VMP1: variants seen among roughly 807,000 people sequenced by gnomAD.
VMP1 encodes ectopic P-granules autophagy protein 3 homolog.
VMP1 carries 11 observed loss-of-function variants against 56.0 expected under a neutral mutation model. That is an observed-to-expected ratio of 0.20 (90% CI 0.12 to 0.32). The LOEUF (loss-of-function observed/expected upper bound fraction) is 0.32. VMP1 is among the 10% of genes least tolerant of loss of function. The pLI, the probability that VMP1 is intolerant of heterozygous loss-of-function variation, is 1.00. For synonymous variants in VMP1, 149 were observed against 165.0 expected, an observed-to-expected ratio of 0.90 and a Z score of 0.74; for missense variants, 296 against 490.3, an observed-to-expected ratio of 0.60 and a Z score of 3.74.
rs1244438929 is a variant in VMP1, at chr17:59,840,728, C to T, written c.*817C>T. On this transcript the variant is annotated 3_prime_UTR_variant, in exon 12 of 12. Coordinates refer to ENST00000262291, the MANE Select transcript of VMP1 (RefSeq NM_030938.5). Reference sequence around the variant, plus strand: ...TTGCATGAGAGAGCCACTACCAAGGCATGTTTTGTTATGCTGAAACTGGGC... The same window carrying T: ...TTGCATGAGAGAGCCACTACCAAGGTATGTTTTGTTATGCTGAAACTGGGC... The T allele has an allele frequency of 2.0e-5, 3 of 152,254 alleles. No homozygotes were observed. The highest frequency in any genetic ancestry group is 2.9e-5 in the Non-Finnish European group (2 of 68,050). 9.4% of individuals were successfully genotyped at this position (152,254 alleles called of 1,614,324 possible).
chr17:59,763,156 T>C (rs1407052045), intron 5 of VMP1, among the ~76,000 whole-genome samples: 1 of 152,034 alleles, frequency 6.6e-6, no homozygotes, highest in East Asian at 1.9e-4. Context: ...ATTTCTTCTT[T>C]TTTTTTTAAT....
At chr17:59,719,614 T>G (rs1448496192) in intron 1 of VMP1, among the ~76,000 whole-genome samples, 1 of 152,220 alleles carries the variant, frequency 6.6e-6, no homozygotes, top group Non-Finnish European at 1.5e-5. Context: ...CCAATAACTC[T>G]TATGTTACTC....
intron 1 of VMP1, among the ~76,000 whole-genome samples, chr17:59,730,797 T>C (rs2034793988): frequency 6.6e-6 from 1 of 152,144 alleles, no homozygotes; most frequent in Non-Finnish European, 1.5e-5. Flanking sequence ...AAATGAAGCA[T>C]GTTATAAATA....
chr17:59,798,200 C>A (rs778295894), intron 7 of VMP1, among the ~76,000 whole-genome samples: 74 of 152,330 alleles, frequency 4.9e-4, no homozygotes, highest in Non-Finnish European at 4.7e-4. Context: ...AACGGAAATA[C>A]ATCTATACAT....
At chr17:59,792,214 T>C (rs1014477089) in intron 7 of VMP1, among the ~76,000 whole-genome samples, 1 of 152,112 alleles carries the variant, frequency 6.6e-6, no homozygotes, top group African/African-American at 2.4e-5. Context: ...GAGGTCATGA[T>C]TGTAATGAAC....
chr17:59,800,279 G>T (rs924620290), intron 7 of VMP1, among the ~76,000 whole-genome samples: 3 of 152,070 alleles, frequency 2.0e-5, no homozygotes, highest in Non-Finnish European at 2.9e-5. Flanking sequence ...TACGTTATTA[G>T]GGTCTTAATA....
In VMP1 at chr17:59,791,139, T is replaced by G. The variant is rs192666860; in HGVS notation, c.714+17254T>G. Among the ~76,000 whole-genome samples the G allele has an allele frequency of 2.6e-3, 392 of 151,952 alleles. 1 individual carries two copies. Among genetic ancestry groups the G allele is most frequent in the African/African-American group, 8.4e-3 (349 of 41,518 alleles). On this transcript the variant is annotated intron_variant, in intron 7 of 11. Coordinates refer to ENST00000262291, the MANE Select transcript of VMP1 (RefSeq NM_030938.5). ...ATCATGGGCCTGTTTAGCAATGCAT[T>G]TTGCTGACATTTTTAATAAACAATT...
At chr17:59,773,707 C>T (rs376974596) in intron 6 of VMP1, 47 bp from the exon 7 acceptor site, 1 of 1,531,304 alleles carries the variant, frequency 6.5e-7, no homozygotes, top group African/African-American at 1.4e-5. Flanking sequence ...TTAAGTGTCA[C>T]TGTTGATAAC....
chr17:59,799,910 C>T (rs548032981), intron 7 of VMP1, among the ~76,000 whole-genome samples: 1 of 143,988 alleles, frequency 6.9e-6, no homozygotes, highest in East Asian at 2.0e-4. Flanking sequence ...TTACAGTGAG[C>T]TGAGATCCTG....
In VMP1 at chr17:59,840,093, G is replaced by A; in HGVS notation, c.*182G>A. ...ACTTTTTCCTTCTGTGCTAAGGTAA[G>A]GTATCCACCCTCGATGCAATCCACC... On this transcript the variant is annotated 3_prime_UTR_variant, in exon 12 of 12. Transcript: ENST00000262291. The A allele has an allele frequency of 2.9e-6, 2 of 681,046 alleles. No homozygotes were observed. The highest frequency in any genetic ancestry group is 4.0e-4 in the Middle Eastern group (1 of 2,524). The allele number at this position is 681,046 out of a possible 1,614,324, so 42.2% of individuals were successfully genotyped here. A position where few individuals can be genotyped will look rare whatever the true frequency, so the allele number is the denominator to read the frequency against.
intron 1 of VMP1, among the ~76,000 whole-genome samples, chr17:59,710,702 G>C (rs1357664281): frequency 6.6e-6 from 1 of 152,154 alleles, no homozygotes; most frequent in Non-Finnish European, 1.5e-5. Flanking sequence ...GTCATGTGTT[G>C]AGTTATCTTT....
intron 8 of VMP1, among the ~76,000 whole-genome samples, chr17:59,809,851 A>G (rs75681053): frequency 6.6e-6 from 1 of 152,036 alleles, no homozygotes; most frequent in East Asian, 1.9e-4. Flanking sequence ...ATAGGTTCAC[A>G]TCTTGTTTAT....
intron 5 of VMP1, among the ~76,000 whole-genome samples, chr17:59,753,284 AAAG>A (rs549192243): frequency 5.3e-4 from 81 of 152,242 alleles, no homozygotes; most frequent in African/African-American, 1.9e-3. Flanking sequence ...GAAAAAAAAA[AAAG>A]TTTAGATGTT....
chr17:59,771,720 C>A (rs2036433759), intron 6 of VMP1, among the ~76,000 whole-genome samples: 1 of 149,878 alleles, frequency 6.7e-6, no homozygotes, highest in African/African-American at 2.5e-5. Context: ...GATCCTCCTA[C>A]CTCAGCCTCC....
intron 7 of VMP1, among the ~76,000 whole-genome samples, chr17:59,782,887 A>G (rs1218638139): frequency 6.6e-6 from 1 of 152,168 alleles, no homozygotes; most frequent in African/African-American, 2.4e-5. Context: ...AACTAGGTTA[A>G]ATGGTGTATG....
intron 10 of VMP1, among the ~76,000 whole-genome samples, chr17:59,837,024 A>AC (rs1437030008): frequency 1.3e-5 from 2 of 151,570 alleles, no homozygotes; most frequent in African/African-American, 4.9e-5. Flanking sequence ...AGATGGTGAA[A>AC]CCCCATCTCT....
At chr17:59,811,846 C>G in intron 9 of VMP1, 60 bp downstream of exon 9, 4 of 1,158,264 alleles carry the variant, frequency 3.5e-6, no homozygotes, top group Non-Finnish European at 5.1e-6. Flanking sequence ...GACAATGAAA[C>G]ATGCTCATTC....
chr17:59,828,188 C>T (rs2038703395), intron 10 of VMP1, among the ~76,000 whole-genome samples: 1 of 152,156 alleles, frequency 6.6e-6, no homozygotes, highest in African/African-American at 2.4e-5. Context: ...TGCTTTTCTC[C>T]TGCTGCTCAA....
chr17:59,817,721 G>A lies in VMP1; in HGVS notation c.922G>A (p.Val308Ile). 6.2e-7 allele frequency: 1 copy of A among 1,600,844 alleles called. No individual in the cohort carries two copies. Among genetic ancestry groups the A allele is most frequent in the Non-Finnish European group, 8.5e-7 (1 of 1,175,398 alleles). Residue 308 changes from valine (V) to isoleucine (I), a missense_variant, in exon 10 of 12, where the codon GTT becomes ATT. Physicochemically the swap from Val to Ile is conservative, Grantham distance 29. Coordinates refer to ENST00000262291, the MANE Select transcript of VMP1 (RefSeq NM_030938.5). ...IIKMHIQKIF[V>I]IITFSKHIVE... ...GGTGTTTTCTTTACAGAAAATTTTT[G>A]TTATAATAACATTCAGCAAGCACAT...
Sources: gnomAD v4.1 joint callset for allele counts (sites outside exome capture counted in the v4.1 genomes callset) on GRCh38, gnomAD v4.1.1 for gene constraint, MANE v1.5 for transcripts, NCBI Gene and HGNC (gene_info 2026-07-23, HGNC 2026-07-21) for gene names.